The following TENM2 variants were observed in gnomAD, a reference collection of about 807,000 sequenced individuals.
TENM2 encodes teneurin-2.
TENM2 carries 52 observed loss-of-function variants against 245.2 expected under a neutral mutation model. The ratio of observed to expected loss-of-function variants is 0.21; its 90% CI spans 0.17 to 0.27. TENM2 has a LOEUF of 0.27. Ranked by LOEUF, TENM2 falls within the 10% of genes least tolerant of loss-of-function variation. The pLI, the probability that TENM2 is intolerant of heterozygous loss-of-function variation, is 1.00. For missense variants in TENM2, 3,046 were observed against 3,666.8 expected (o/e 0.83, Z 4.37); for synonymous variants, 1,363 against 1,438.9 (o/e 0.95, Z 1.19).
intron 5 of TENM2, among the ~76,000 whole-genome samples, chr5:168,021,879 A>G (rs1786179133): frequency 6.6e-6 from 1 of 150,524 alleles, no homozygotes; most frequent in Non-Finnish European, 1.5e-5. Context: ...TTCAAAAAAG[A>G]AAGGGAAGGG....
chr5:167,009,095 A>G, the TENM2 span, among the ~76,000 whole-genome samples: 4 of 152,220 alleles, frequency 2.6e-5, no homozygotes, highest in African/African-American at 4.8e-5. Context: ...TTCCAGCTCA[A>G]CTCATTTACA....
intron 2 of TENM2, among the ~76,000 whole-genome samples, chr5:167,737,335 G>A (rs539676153): frequency 6.6e-6 from 1 of 152,180 alleles, no homozygotes; most frequent in Non-Finnish European, 1.5e-5. Flanking sequence ...GAACATGCCT[G>A]TCACAGAGCG....
chr5:167,207,266 G>A, the TENM2 span, among the ~76,000 whole-genome samples: 28 of 152,176 alleles, frequency 1.8e-4, no homozygotes, highest in African/African-American at 6.5e-4. Flanking sequence ...AAATTCAGAT[G>A]CCTGTAAGGA....
At chr5:167,879,112 A>G (rs1773671042) in intron 3 of TENM2, among the ~76,000 whole-genome samples, 4 of 152,232 alleles carry the variant, frequency 2.6e-5, no homozygotes, top group Admixed American at 2.6e-4. Context: ...CAAATGGGAC[A>G]TAAACTACAG....
At chr5:167,697,317 G>A (rs973674981) in intron 2 of TENM2, among the ~76,000 whole-genome samples, 11 of 152,080 alleles carry the variant, frequency 7.2e-5, no homozygotes, top group South Asian at 2.1e-4. Context: ...TAGTTCCTCC[G>A]ATTTGAACCT....
the TENM2 span, among the ~76,000 whole-genome samples, chr5:167,201,289 A>G: frequency 0.022 from 3,415 of 152,322 alleles, 53 homozygotes; most frequent in East Asian, 0.05. Flanking sequence ...CTGTTATTGT[A>G]TGCCAAGCAT....
chr5:167,506,882 C>T (rs555306543), intron 2 of TENM2, among the ~76,000 whole-genome samples: 18 of 152,236 alleles, frequency 1.2e-4, no homozygotes, highest in East Asian at 1.9e-4. Flanking sequence ...TTTCCATCAT[C>T]TTGAACCTAC....
chr5:167,791,566 A>AATGTATATTTTTATATAT (rs1764979567), intron 2 of TENM2, among the ~76,000 whole-genome samples: 2 of 144,210 alleles, frequency 1.4e-5, no homozygotes, highest in Non-Finnish European at 3.0e-5. Context: ...AAATATATAT[A>AATGTATATTTTTATATAT]TAGAAATGAA....
intron 2 of TENM2, among the ~76,000 whole-genome samples, chr5:167,671,397 T>C (rs1000995885): frequency 6.6e-6 from 1 of 152,126 alleles, no homozygotes; most frequent in African/African-American, 2.4e-5. Flanking sequence ...CCTGATGTTT[T>C]AACATTTTTC....
At chr5:167,465,340 C>T (rs984253483) in intron 2 of TENM2, among the ~76,000 whole-genome samples, 1 of 152,154 alleles carries the variant, frequency 6.6e-6, no homozygotes, top group East Asian at 1.9e-4. Flanking sequence ...CAACAGCTCA[C>T]ACACTCTCTC....
At chr5:167,872,484 AAAAGAAAG>A (rs377717879) in intron 2 of TENM2, among the ~76,000 whole-genome samples, 87 of 99,752 alleles carry the variant, frequency 8.7e-4, no homozygotes, top group Admixed American at 2.8e-3. Flanking sequence ...GAAAGAAAGA[AAAAGAAAG>A]AAAGAAAGAA....
chr5:167,878,129 G>T (rs1773581526), intron 3 of TENM2, among the ~76,000 whole-genome samples: 1 of 152,172 alleles, frequency 6.6e-6, no homozygotes, highest in Non-Finnish European at 1.5e-5. Flanking sequence ...TAGCAATAAT[G>T]CAGTAAGTGA....
At chr5:168,233,056 G>A (rs958961592) in intron 25 of TENM2, among the ~76,000 whole-genome samples, 1 of 152,164 alleles carries the variant, frequency 6.6e-6, no homozygotes, top group Non-Finnish European at 1.5e-5. Context: ...GGCCGGGCGT[G>A]GTGTCTCACG....
chr5:167,200,217 A>T, the TENM2 span, among the ~76,000 whole-genome samples: 2 of 152,078 alleles, frequency 1.3e-5, no homozygotes. Flanking sequence ...TAAAACTGGC[A>T]TTAAGTTTGG....
chr5:167,062,397 T>C, the TENM2 span, among the ~76,000 whole-genome samples: 3 of 151,580 alleles, frequency 2.0e-5, no homozygotes, highest in African/African-American at 7.3e-5. Context: ...AAATCCCAAA[T>C]GGATAAAATC....
intron 4 of TENM2, among the ~76,000 whole-genome samples, chr5:167,972,170 T>C (rs568416890): frequency 1.3e-5 from 2 of 152,338 alleles, no homozygotes; most frequent in African/African-American, 2.4e-5. Flanking sequence ...ATTCAACACA[T>C]AGACAGAAAA....
chr5:167,631,212 C>A (rs1185395874), intron 2 of TENM2, among the ~76,000 whole-genome samples: 1 of 152,082 alleles, frequency 6.6e-6, no homozygotes, highest in Non-Finnish European at 1.5e-5. Context: ...AACACAATTA[C>A]TTCAGCTAGT....
At chr5:167,833,464 A>G (rs1021150761) in intron 2 of TENM2, among the ~76,000 whole-genome samples, 23 of 152,260 alleles carry the variant, frequency 1.5e-4, no homozygotes, top group African/African-American at 4.6e-4. Context: ...AGATTGGTCC[A>G]GAAGAGTAGA....
intron 25 of TENM2, among the ~76,000 whole-genome samples, chr5:168,241,431 T>C: frequency 6.6e-6 from 1 of 151,444 alleles, no homozygotes; most frequent in East Asian, 1.9e-4. Flanking sequence ...ATTTTTTTTT[T>C]TTTTTTTTTT....
Sources: gnomAD v4.1 joint callset for allele counts (sites outside exome capture counted in the v4.1 genomes callset) on GRCh38, gnomAD v4.1.1 for gene constraint, MANE v1.5 for transcripts, NCBI Gene and HGNC (gene_info 2026-07-23, HGNC 2026-07-21) for gene names.